Variants in UBE2J2 observed in about 807,000 individuals in gnomAD.
UBE2J2 encodes the protein ubiquitin-conjugating enzyme E2 J2.
Under a neutral mutation model 28.6 loss-of-function variants are expected in UBE2J2, and 5 were observed. That is an observed-to-expected ratio of 0.17 (90% CI 0.09 to 0.37). UBE2J2 has a LOEUF of 0.37. Among genes scored for constraint, UBE2J2 ranks in the 10% least tolerant of loss-of-function variants. The pLI, the probability that UBE2J2 is intolerant of heterozygous loss-of-function variation, is 1.00. For synonymous variants in UBE2J2, 138 were observed against 139.7 expected, an observed-to-expected ratio of 0.99 and a Z score of 0.09; for missense variants, 226 against 338.9, an observed-to-expected ratio of 0.67 and a Z score of 2.62.
chr1:1,258,609 G>A (rs1279773887), intron 3 of UBE2J2, among the ~76,000 whole-genome samples: 2 of 152,148 alleles, frequency 1.3e-5, no homozygotes, highest in Non-Finnish European at 2.9e-5. Context: ...CGGGCCCTGT[G>A]CACACTCCAG....
intron 4 of UBE2J2, 33 bp from the exon 5 acceptor site, chr1:1,257,163 C>A (rs774924616): frequency 4.4e-6 from 7 of 1,604,128 alleles, no homozygotes; most frequent in Non-Finnish European, 6.0e-6. Flanking sequence ...GTGCACACTC[C>A]CCACCGCAGC....
In UBE2J2 at chr1:1,256,735, A is replaced by T. The variant is rs1570536081; in HGVS notation, c.414+257T>A. Among the ~76,000 whole-genome samples the T allele has an allele frequency of 2.6e-5, 4 of 151,874 alleles. No homozygotes were observed. The South Asian group carries it at 8.3e-4, about 32-fold the overall frequency. ...TCTCTACTAAAAATACAAAAAAAAA[A>T]ATTAGCCGGGCGTGGTGGCGGGCGC... On this transcript the variant is annotated intron_variant, in intron 5 of 6. Coordinates refer to ENST00000349431, the MANE Select transcript of UBE2J2 (RefSeq NM_058167.3).
intron 1 of UBE2J2, among the ~76,000 whole-genome samples, chr1:1,270,523 G>A (rs1019417456): frequency 1.3e-5 from 2 of 152,054 alleles, no homozygotes; most frequent in African/African-American, 2.4e-5. Context: ...TTGTTCTGGG[G>A]TCCCTGACTC....
At chr1:1,264,496 G>A (rs1259629182) in intron 2 of UBE2J2, among the ~76,000 whole-genome samples, 2 of 152,134 alleles carry the variant, frequency 1.3e-5, no homozygotes, top group African/African-American at 2.4e-5. Context: ...TGGGGGCTGG[G>A]CTCGGTGGCT....
chr1:1,259,295 C>T (rs372611481), intron 3 of UBE2J2, among the ~76,000 whole-genome samples: 17 of 150,704 alleles, frequency 1.1e-4, no homozygotes, highest in East Asian at 9.9e-4. Flanking sequence ...CATCAGGACG[C>T]GTGTGCACGT....
At chr1:1,257,669 A>C (rs947487337) in intron 3 of UBE2J2, among the ~76,000 whole-genome samples, 1 of 151,358 alleles carries the variant, frequency 6.6e-6, no homozygotes, top group Non-Finnish European at 1.5e-5. Flanking sequence ...GGGTCGGAAG[A>C]GGCATGCAGG....
intron 2 of UBE2J2, chr1:1,265,997 G>C: frequency 1.6e-6 from 2 of 1,247,802 alleles, no homozygotes; most frequent in South Asian, 2.6e-5. Context: ...GGGACTTGGG[G>C]ACGCCTGACC....
At position 1,256,144 on chromosome 1, in the gene UBE2J2, G is replaced by T; in HGVS notation, c.415-19C>A. The T allele has an allele frequency of 2.6e-6, 4 of 1,552,142 alleles. No homozygotes were observed. Among genetic ancestry groups the T allele is most frequent in the Non-Finnish European group, 3.6e-6 (4 of 1,126,612 alleles). On this transcript the variant is annotated intron_variant, in intron 5 of 6. Transcript: ENST00000349431. ...GTCTTTTCTAGGAAGGAAGGGAAGG[G>T]AATCAGCCAGAAAACTAATTTCAAT...
At chr1:1,267,264 A>G (rs1323405751) in intron 2 of UBE2J2, among the ~76,000 whole-genome samples, 2 of 152,104 alleles carry the variant, frequency 1.3e-5, no homozygotes, top group Non-Finnish European at 2.9e-5. Flanking sequence ...ATGCACTCTC[A>G]CACTCTATAC....
Position 1,268,098 on chromosome 1 carries a change from G to A in UBE2J2, c.1-106C>T, listed in dbSNP as rs1639969975. 3 of 1,484,796 alleles carry A rather than the reference G, an allele frequency of 2.0e-6. No homozygotes were observed. Among genetic ancestry groups the A allele is most frequent in the Non-Finnish European group, 1.8e-6 (2 of 1,084,442 alleles). 92.0% of individuals were successfully genotyped at this position (1,484,796 alleles called of 1,614,324 possible). A position where few individuals can be genotyped will look rare whatever the true frequency, so the allele number is the denominator to read the frequency against. ...CTCTGCAGCCCGCCATTCATTCAGG[G>A]CCCGGTCACCCAGAGTCACAGCTCA... On this transcript the variant is annotated intron_variant, in intron 1 of 6. Coordinates refer to ENST00000349431, the MANE Select transcript of UBE2J2 (RefSeq NM_058167.3). The surrounding 1 kb of genome is among the most constrained non-coding windows in gnomAD (Gnocchi z 4.7).
chr1:1,264,214 A>G (rs757756406), intron 2 of UBE2J2, among the ~76,000 whole-genome samples: 1 of 152,194 alleles, frequency 6.6e-6, no homozygotes, highest in African/African-American at 2.4e-5. Flanking sequence ...CCAAAGCCAC[A>G]GTCCCCACAC....
chr1:1,272,085 C>T (rs1247479481), intron 1 of UBE2J2, among the ~76,000 whole-genome samples: 4 of 151,172 alleles, frequency 2.6e-5, no homozygotes, highest in Admixed American at 6.6e-5. Context: ...ACTCGGGAGC[C>T]GGAGGCTGTA....
intron 2 of UBE2J2, among the ~76,000 whole-genome samples, chr1:1,265,603 T>TGTGTGTG (rs1639809833): frequency 5.8e-5 from 7 of 120,948 alleles, no homozygotes; most frequent in African/African-American, 1.6e-4. Context: ...TTTCTCTCCA[T>TGTGTGTG]TGTGTGTGTG....
intron 3 of UBE2J2, among the ~76,000 whole-genome samples, chr1:1,260,946 A>G (rs995943544): frequency 2.0e-5 from 3 of 152,246 alleles, no homozygotes; most frequent in African/African-American, 7.2e-5. Flanking sequence ...GCCAGCTCTG[A>G]ACTGTCAGAG....
At position 1,273,725 on chromosome 1, in the gene UBE2J2, G is replaced by A. The variant is rs1435385097; in HGVS notation, c.-60C>T. 1 of 152,808 alleles carries A rather than the reference G, an allele frequency of 6.5e-6. No homozygotes were observed. Among genetic ancestry groups the A allele is most frequent in the African/African-American group, 2.4e-5 (1 of 41,440 alleles). The allele number at this position is 152,808 out of a possible 1,614,324, so 9.5% of individuals were successfully genotyped here. A position where few individuals can be genotyped will look rare whatever the true frequency, so the allele number is the denominator to read the frequency against. On this transcript the variant is annotated 5_prime_UTR_variant, in exon 1 of 7. Transcript: ENST00000349431. The stretch of plus-strand genomic sequence containing the variant: ...CTCAGGCTCGCCGTAGTCGAGGCCG[G>A]AGCAGGGTGCGGAAAAGCGGGGCCC...
chr1:1,257,316 T>A lies in UBE2J2; in HGVS notation c.173-6A>T. 1.3e-6 allele frequency: 2 copies of A among 1,587,944 alleles called. No individual in the cohort carries two copies. The highest frequency in any genetic ancestry group is 1.7e-6 in the Non-Finnish European group (2 of 1,164,990). On this transcript the variant is annotated splice_polypyrimidine_tract_variant and splice_region_variant and intron_variant, in intron 3 of 6. Transcript: ENST00000349431. ...TTTTCCATGATAATAGCCACCTACA[T>A]GGAAACAAAACAGAAAGGGCCTTGT... is the stretch of plus-strand genomic sequence containing the variant.
intron 1 of UBE2J2, among the ~76,000 whole-genome samples, chr1:1,269,710 C>T (rs1640053330): frequency 6.6e-6 from 1 of 152,070 alleles, no homozygotes; most frequent in South Asian, 2.1e-4. Flanking sequence ...GTAATCTGCC[C>T]ACCTCGGCCT....
At chr1:1,265,008 T>C (rs1639766944) in intron 2 of UBE2J2, among the ~76,000 whole-genome samples, 2 of 152,290 alleles carry the variant, frequency 1.3e-5, no homozygotes, top group South Asian at 4.1e-4. Context: ...TTATCATGTG[T>C]CATTGACCCA....
chr1:1,266,663 TACAAAA>T (rs1639886869), intron 2 of UBE2J2, among the ~76,000 whole-genome samples: 1 of 150,766 alleles, frequency 6.6e-6, no homozygotes, highest in Non-Finnish European at 1.5e-5. Context: ...CTACTAAAAA[TACAAAA>T]ACAAAAAATT....
Sources: allele counts gnomAD v4.1 joint callset (sites outside exome capture counted in the v4.1 genomes callset), GRCh38; gene constraint gnomAD v4.1.1; non-coding constraint Gnocchi (gnomAD v3.1); transcripts MANE v1.5; gene names NCBI Gene and HGNC (gene_info 2026-07-23, HGNC 2026-07-21).